FHAD1: variants seen among roughly 807,000 people sequenced by gnomAD.
FHAD1 encodes the protein forkhead associated phosphopeptide binding domain 1, also known as forkhead-associated domain-containing protein 1.
A neutral mutation model predicts 191.3 loss-of-function variants in FHAD1; 146 were observed. The observed-to-expected ratio is 0.76, with a 90% confidence interval of 0.67 to 0.88. The LOEUF (loss-of-function observed/expected upper bound fraction) is 0.88. Among genes scored for constraint, FHAD1 ranks in the 40% least tolerant of loss-of-function variants. The pLI is 0.00. For missense variants in FHAD1, 1,635 were observed against 1,785.8 expected (o/e 0.92, Z 1.52); for synonymous variants, 616 against 672.3 (o/e 0.92, Z 1.29).
chr1:15,253,926 A>G (rs1251324784), intron 2 of FHAD1, among the ~76,000 whole-genome samples: 2 of 152,154 alleles, frequency 1.3e-5, no homozygotes, highest in Non-Finnish European at 2.9e-5. Flanking sequence ...ATTAAATATT[A>G]TATTAACTGT....
chr1:15,309,251 C>G (rs760207780), intron 7 of FHAD1, among the ~76,000 whole-genome samples: 1 of 152,210 alleles, frequency 6.6e-6, no homozygotes, highest in Non-Finnish European at 1.5e-5. Context: ...TCATGGCCCA[C>G]CCTTGCCAGG....
intron 14 of FHAD1, among the ~76,000 whole-genome samples, chr1:15,336,887 C>G (rs577309809): frequency 2.0e-5 from 3 of 152,234 alleles, no homozygotes; most frequent in Non-Finnish European, 4.4e-5. Context: ...TGATCTTTTC[C>G]ATTCATTCCC....
At chr1:15,355,208 C>CA (rs58614945) in intron 20 of FHAD1, among the ~76,000 whole-genome samples, 8,486 of 100,448 alleles carry the variant, frequency 0.084, 591 homozygotes, top group African/African-American at 0.22. Context: ...GACTCCTTCT[C>CA]AAAAAAAAAA....
At chr1:15,391,993 T>A (rs1458532786) in intron 33 of FHAD1, among the ~76,000 whole-genome samples, 2 of 151,936 alleles carry the variant, frequency 1.3e-5, no homozygotes, top group Admixed American at 6.6e-5. Context: ...GAGAATGACA[T>A]GGAGATGTAA....
At chr1:15,290,956 C>T (rs543363111) in intron 4 of FHAD1, among the ~76,000 whole-genome samples, 89 of 151,972 alleles carry the variant, frequency 5.9e-4, no homozygotes, top group Non-Finnish European at 1.0e-3. Flanking sequence ...CCTTGTGATC[C>T]GCCCACCTCG....
At chr1:15,347,920 A>G (rs1057355223) in intron 18 of FHAD1, among the ~76,000 whole-genome samples, 2 of 152,222 alleles carry the variant, frequency 1.3e-5, no homozygotes, top group Admixed American at 1.3e-4. Context: ...GAGCCAGGCA[A>G]GGCCTCTCTT....
intron 16 of FHAD1, among the ~76,000 whole-genome samples, chr1:15,343,568 CCTT>C (rs879664441): frequency 3.3e-5 from 5 of 152,192 alleles, no homozygotes; most frequent in African/African-American, 1.2e-4. Flanking sequence ...GTCTCCTCCT[CCTT>C]CTTCTCTTTG....
chr1:15,347,866 G>T (rs768003628), intron 18 of FHAD1, among the ~76,000 whole-genome samples: 2 of 152,212 alleles, frequency 1.3e-5, no homozygotes, highest in Non-Finnish European at 2.9e-5. Context: ...ATTATCTGTT[G>T]TGAACTTGGA....
Position 15,360,655 on chromosome 1 carries a change from CA to C in FHAD1, c.2915del (p.His972LeufsTer4). On this transcript the variant is annotated frameshift_variant, in exon 22 of 34. Coordinates refer to ENST00000688493, the MANE Select transcript of FHAD1 (RefSeq NM_001391957.1). LOFTEE classifies it high-confidence loss of function. Reference sequence around the variant, plus strand: ...GAAACTCCAGAAAGTCACTCAGCACCATAAAAAAATAGAAGGCGAGATTGCA... The same window carrying C: ...GAAACTCCAGAAAGTCACTCAGCACCTAAAAAAATAGAAGGCGAGATTGCA... ...EEKLQKVTQH[H>X]KKIEGEIATL... is the part of the protein sequence containing the mutation. 1 of 1,551,780 alleles carries C rather than the reference CA, an allele frequency of 6.4e-7. No homozygotes were observed. Among genetic ancestry groups the C allele is most frequent in the Non-Finnish European group, 8.7e-7 (1 of 1,147,014 alleles).
At chr1:15,321,999 T>A (rs1574321759) in intron 10 of FHAD1, among the ~76,000 whole-genome samples, 1 of 152,272 alleles carries the variant, frequency 6.6e-6, no homozygotes, top group South Asian at 2.1e-4. Flanking sequence ...TATTTAGAAG[T>A]AACCTATAAC....
chr1:15,319,906 C>T (rs569578041), intron 10 of FHAD1, among the ~76,000 whole-genome samples: 40 of 152,270 alleles, frequency 2.6e-4, no homozygotes, highest in African/African-American at 9.6e-4. Flanking sequence ...AGAAAATACC[C>T]TCTCAATGAA....
intron 4 of FHAD1, among the ~76,000 whole-genome samples, chr1:15,291,281 C>G (rs1019325876): frequency 6.6e-6 from 1 of 151,990 alleles, no homozygotes; most frequent in East Asian, 1.9e-4. Context: ...GAGGTTTTGC[C>G]ATGTTGGCCA....
chr1:15,291,721 T>G (rs1664831227), intron 4 of FHAD1, among the ~76,000 whole-genome samples: 1 of 152,004 alleles, frequency 6.6e-6, no homozygotes, highest in Non-Finnish European at 1.5e-5. Flanking sequence ...TCTCAGGAGG[T>G]TGCATTAAGC....
At chr1:15,262,034 C>T (rs1188280200) in intron 2 of FHAD1, among the ~76,000 whole-genome samples, 3 of 152,160 alleles carry the variant, frequency 2.0e-5, no homozygotes, top group Non-Finnish European at 2.9e-5. Flanking sequence ...CACACACACA[C>T]ACACCAGTTA....
intron 3 of FHAD1, among the ~76,000 whole-genome samples, chr1:15,273,259 T>C (rs1276203844): frequency 1.3e-5 from 2 of 152,234 alleles, no homozygotes; most frequent in East Asian, 3.8e-4. Flanking sequence ...TAAATGCCCA[T>C]CAAAAGGGGC....
upstream of FHAD1, among the ~76,000 whole-genome samples, chr1:15,246,470 T>G (rs368478781): frequency 0.28 from 43,060 of 151,724 alleles, 7,092 homozygotes; most frequent in Non-Finnish European, 0.38. Context: ...AGATAGGATT[T>G]CCTGCTGGAG....
At chr1:15,240,990 A>C (rs1203257617) in intron 1 of FHAD1, among the ~76,000 whole-genome samples, 2 of 150,328 alleles carry the variant, frequency 1.3e-5, no homozygotes, top group African/African-American at 2.4e-5. Flanking sequence ...AGAAAGAAAG[A>C]AAGCAGATGC....
chr1:15,310,413 C>T (rs2101094428), intron 7 of FHAD1, among the ~76,000 whole-genome samples: 1 of 152,320 alleles, frequency 6.6e-6, no homozygotes, highest in East Asian at 1.9e-4. Context: ...CACCAGGCAT[C>T]CCAGGGGGAT....
rs575585682 is a variant in FHAD1 at position 15,323,460 on chromosome 1, G to A, written c.1366-992G>A. Among the ~76,000 whole-genome samples, 187 of 152,304 alleles carry A rather than the reference G, an allele frequency of 1.2e-3. 1 individual carries two copies. Among genetic ancestry groups the A allele is most frequent in the African/African-American group, 4.2e-3 (175 of 41,570 alleles). Reference sequence around the variant, plus strand: ...CAGCGAGCTTAGCCGGCCTTCCCGGGAAACAGCTCACTGGGGACTGGCTGC... The same window carrying A: ...CAGCGAGCTTAGCCGGCCTTCCCGGAAAACAGCTCACTGGGGACTGGCTGC... On this transcript the variant is annotated intron_variant, in intron 10 of 33. Transcript: ENST00000688493.
Sources: allele counts gnomAD v4.1 joint callset (sites outside exome capture counted in the v4.1 genomes callset), GRCh38; gene constraint gnomAD v4.1.1; transcripts MANE v1.5; gene names NCBI Gene and HGNC (gene_info 2026-07-23, HGNC 2026-07-21).